Variants in KIRREL3 observed in about 807,000 individuals in gnomAD.
The protein encoded by KIRREL3 is kirre like nephrin family adhesion molecule 3.
In KIRREL3, 36 loss-of-function variants were observed where a neutral mutation model predicts 89.7. The observed-to-expected ratio is 0.40, with a 90% CI of 0.31 to 0.53. The LOEUF is 0.53. Ranked by LOEUF, KIRREL3 falls within the 20% of genes least tolerant of loss-of-function variation. The pLI, the probability that KIRREL3 is intolerant of heterozygous loss-of-function variation, is 0.49. For missense variants in KIRREL3, 864 were observed against 1,056.6 expected, an observed-to-expected ratio of 0.82 and a Z score of 2.53; for synonymous variants, 445 against 441.4, an observed-to-expected ratio of 1.01 and a Z score of -0.10.
In KIRREL3 at chr11:126,748,439, T is replaced by C. The variant is rs1341171246; in HGVS notation, c.56-185527A>G. ...AGGCCCCAAAAGGTTATTTCATCAA[T>C]AATTCTTGAGCTTGCCTACGGCGAG... On this transcript the variant is annotated intron_variant, in intron 1 of 16. Coordinates refer to ENST00000525144, the MANE Select transcript of KIRREL3 (RefSeq NM_032531.4). The surrounding 1 kb of genome is among the most constrained non-coding windows in gnomAD (Gnocchi z 4.6). Among the ~76,000 whole-genome samples, 4 of 152,256 alleles carry C rather than the reference T, an allele frequency of 2.6e-5. No homozygotes were observed. The highest frequency in any genetic ancestry group is 2.0e-4 in the Admixed American group (3 of 15,292).
intron 4 of KIRREL3, among the ~76,000 whole-genome samples, chr11:126,482,515 A>G (rs1046431231): frequency 6.6e-6 from 1 of 152,266 alleles, no homozygotes; most frequent in Non-Finnish European, 1.5e-5. Flanking sequence ...TATAGTTGCC[A>G]GGGTCAAGGA....
chr11:126,848,321 A>C (rs889052019), intron 1 of KIRREL3, among the ~76,000 whole-genome samples: 8 of 152,260 alleles, frequency 5.3e-5, no homozygotes, highest in African/African-American at 1.9e-4. Context: ...CAAGTAAATC[A>C]GTCTCACCAT....
rs1207151182 is a variant in KIRREL3, at chr11:126,627,752, G to T, written c.56-64840C>A. 6.6e-6 allele frequency among the ~76,000 whole-genome samples: 1 copy of T among 152,174 alleles called. No homozygotes were observed. The highest frequency in any genetic ancestry group is 1.5e-5 in the Non-Finnish European group (1 of 68,022). On this transcript the variant is annotated intron_variant, in intron 1 of 16. Coordinates refer to ENST00000525144, the MANE Select transcript of KIRREL3 (RefSeq NM_032531.4). This position sits in a 1 kb window ranked among gnomAD's most constrained non-coding sequence, Gnocchi z 5.0. ...AGGGAGGGAGAAGAATGTTCTTTAT[G>T]GGGGGTGTTGGCAGGATTAGAGGGA...
intron 1 of KIRREL3, among the ~76,000 whole-genome samples, chr11:126,984,250 C>T (rs557532129): frequency 1.2e-4 from 18 of 152,206 alleles, no homozygotes; most frequent in Non-Finnish European, 2.2e-4. Context: ...AGATTCACAA[C>T]AACTTCATGA....
chr11:126,657,307 G>A (rs954611763), intron 1 of KIRREL3, among the ~76,000 whole-genome samples: 1 of 152,022 alleles, frequency 6.6e-6, no homozygotes, highest in Non-Finnish European at 1.5e-5. Context: ...AGGCTCTGAG[G>A]GGCCTAGTTA....
intron 1 of KIRREL3, among the ~76,000 whole-genome samples, chr11:126,718,935 G>A (rs1048098949): frequency 6.6e-6 from 1 of 152,150 alleles, no homozygotes; most frequent in African/African-American, 2.4e-5. Flanking sequence ...GGCGTTGATA[G>A]AAACCTTTGT....
chr11:126,717,795 G>A (rs968235187), intron 1 of KIRREL3, among the ~76,000 whole-genome samples: 2 of 152,202 alleles, frequency 1.3e-5, no homozygotes, highest in African/African-American at 4.8e-5. Context: ...ATGGCATGCT[G>A]TAATGCCACC....
chr11:126,818,115 G>C (rs1951641320), intron 1 of KIRREL3, among the ~76,000 whole-genome samples: 1 of 152,228 alleles, frequency 6.6e-6, no homozygotes, highest in African/African-American at 2.4e-5. Context: ...AAGAGCATCT[G>C]TCAAAGATCA....
At chr11:126,785,531 T>C (rs1950461129) in intron 1 of KIRREL3, among the ~76,000 whole-genome samples, 1 of 152,078 alleles carries the variant, frequency 6.6e-6, no homozygotes, top group Non-Finnish European at 1.5e-5. Flanking sequence ...TCTGATGCAA[T>C]GTAAGGGTCC....
chr11:126,429,357 C>G lies in KIRREL3; in HGVS notation c.1697-69G>C. On this transcript the variant is annotated intron_variant, in intron 14 of 16. Transcript: ENST00000525144. The surrounding 1 kb of genome is among the most constrained non-coding windows in gnomAD (Gnocchi z 5.2). Reference sequence around the variant, plus strand: ...ACCTTTGAGATGTCAAGCTCCCTTGCAGTCCCCTGCCCCTGCCCTGCCACC... The same window carrying G: ...ACCTTTGAGATGTCAAGCTCCCTTGGAGTCCCCTGCCCCTGCCCTGCCACC... 9.0e-7 allele frequency: 1 copy of G among 1,111,184 alleles called. No homozygotes were observed. Among genetic ancestry groups the G allele is most frequent in the Non-Finnish European group, 1.4e-6 (1 of 738,048 alleles). The allele number at this position is 1,111,184 out of a possible 1,614,324, so 68.8% of individuals were successfully genotyped here.
rs534304205 is a variant in KIRREL3 at position 126,773,281 on chromosome 11, C to T, written c.56-210369G>A. ...CTTGAATCAGGGGACTGAGTGAAGT[C>T]AATACAGTGTGGGTCGGCTTTGTCC... On this transcript the variant is annotated intron_variant, in intron 1 of 16. Coordinates refer to ENST00000525144, the MANE Select transcript of KIRREL3 (RefSeq NM_032531.4). This position sits in a 1 kb window ranked among gnomAD's most constrained non-coding sequence, Gnocchi z 4.2. 7.2e-5 allele frequency among the ~76,000 whole-genome samples: 11 copies of T among 152,264 alleles called. No homozygotes were observed. The highest frequency in any genetic ancestry group is 2.6e-4 in the African/African-American group (11 of 41,548).
At chr11:126,916,465 A>T (rs1449003952) in intron 1 of KIRREL3, among the ~76,000 whole-genome samples, 1 of 152,212 alleles carries the variant, frequency 6.6e-6, no homozygotes, top group Non-Finnish European at 1.5e-5. Context: ...CTGTGAGGAC[A>T]ACTCAGAAAG....
rs375429423 is a variant in KIRREL3 at position 126,796,293 on chromosome 11, G to C, written c.55+204162C>G. Among the ~76,000 whole-genome samples, 1 of 152,136 alleles carries C rather than the reference G, an allele frequency of 6.6e-6. No individual in the cohort carries two copies. The highest frequency in any genetic ancestry group is 1.5e-5 in the Non-Finnish European group (1 of 68,030). The stretch of plus-strand genomic sequence containing the variant: ...TGACCAGATGAAAAGAGAGGGGCTC[G>C]ATCCATGTGAGTTCCCTGGCTTGCT... On this transcript the variant is annotated intron_variant, in intron 1 of 16. Transcript: ENST00000525144. The surrounding 1 kb of genome is among the most constrained non-coding windows in gnomAD (Gnocchi z 5.1).
In KIRREL3 at chr11:126,773,675, A is replaced by G. The variant is rs1393849789; in HGVS notation, c.56-210763T>C. Reference sequence around the variant, plus strand: ...ATAGGAAGAACATCAAGCTGTATGTATGTGTGTGTGTGTGTGTTTGTGTGT... The same window carrying G: ...ATAGGAAGAACATCAAGCTGTATGTGTGTGTGTGTGTGTGTGTTTGTGTGT... On this transcript the variant is annotated intron_variant, in intron 1 of 16. Transcript: ENST00000525144. This position sits in a 1 kb window ranked among gnomAD's most constrained non-coding sequence, Gnocchi z 4.2. Among the ~76,000 whole-genome samples, 1 of 150,768 alleles carries G rather than the reference A, an allele frequency of 6.6e-6. No homozygotes were observed. Among genetic ancestry groups the G allele is most frequent in the Non-Finnish European group, 1.5e-5 (1 of 67,626 alleles).
rs1351538602 is a variant in KIRREL3 at position 126,703,699 on chromosome 11, C to T, written c.56-140787G>A. 2.0e-5 allele frequency among the ~76,000 whole-genome samples: 3 copies of T among 152,190 alleles called. No individual in the cohort carries two copies. Among genetic ancestry groups the T allele is most frequent in the East Asian group, 3.9e-4 (2 of 5,188 alleles). On this transcript the variant is annotated intron_variant, in intron 1 of 16. Transcript: ENST00000525144. This position sits in a 1 kb window ranked among gnomAD's most constrained non-coding sequence, Gnocchi z 4.6. ...GCCCACGGGCAGGGGAGGCAGGACT[C>T]CTAAGCCTGGGCCCTCTGACTGCCT...
intron 4 of KIRREL3, among the ~76,000 whole-genome samples, chr11:126,500,801 T>A (rs960317399): frequency 2.6e-5 from 4 of 152,148 alleles, no homozygotes; most frequent in Non-Finnish European, 4.4e-5. Flanking sequence ...ATTCTTATTT[T>A]TTTCAGTGCT....
Position 126,610,383 on chromosome 11 carries a change from T to A in KIRREL3, c.56-47471A>T, listed in dbSNP as rs74365042. Among the ~76,000 whole-genome samples, 1,712 of 152,336 alleles carry A rather than the reference T, an allele frequency of 0.011. 28 individuals are homozygous for A. The highest frequency in any genetic ancestry group is 0.016 in the Non-Finnish European group (1,115 of 68,020). Reference sequence around the variant, plus strand: ...CTGGGATTACAGGCATGAGCCTGCTTGTCTGAACTGTAAGAGGATTTTAAC... The same window carrying A: ...CTGGGATTACAGGCATGAGCCTGCTAGTCTGAACTGTAAGAGGATTTTAAC... On this transcript the variant is annotated intron_variant, in intron 1 of 16. Coordinates refer to ENST00000525144, the MANE Select transcript of KIRREL3 (RefSeq NM_032531.4). This position sits in a 1 kb window ranked among gnomAD's most constrained non-coding sequence, Gnocchi z 4.6.
chr11:126,819,921 T>A (rs1056789333), intron 1 of KIRREL3, among the ~76,000 whole-genome samples: 1 of 152,226 alleles, frequency 6.6e-6, no homozygotes, highest in African/African-American at 2.4e-5. Flanking sequence ...TTGATCAGGG[T>A]CCAGGACACC....
At chr11:126,451,197 G>T (rs1230598527) in intron 7 of KIRREL3, among the ~76,000 whole-genome samples, 1 of 150,774 alleles carries the variant, frequency 6.6e-6, no homozygotes, top group East Asian at 2.0e-4. Flanking sequence ...GGCCGTGTGT[G>T]TGCATGTGTG....
Sources: allele counts gnomAD v4.1 joint callset (sites outside exome capture counted in the v4.1 genomes callset), GRCh38; gene constraint gnomAD v4.1.1; non-coding constraint Gnocchi (gnomAD v3.1); transcripts MANE v1.5; gene names NCBI Gene and HGNC (gene_info 2026-07-23, HGNC 2026-07-21).